Variants in CRPPA observed in about 807,000 individuals in gnomAD.
CRPPA encodes CDP-L-ribitol pyrophosphorylase A.
A neutral mutation model predicts 52.0 loss-of-function variants in CRPPA; 43 were observed. The observed-to-expected ratio is 0.83, with a 90% CI of 0.65 to 1.07. The LOEUF (loss-of-function observed/expected upper bound fraction) is 1.07. CRPPA is among the 50% of genes least tolerant of loss of function. The probability of loss-of-function intolerance (pLI) is 0.00; values close to 1 mark genes in which losing one functional copy is unlikely to be tolerated. For missense variants in CRPPA, 629 were observed against 551.7 expected (o/e 1.14, Z -1.40); for synonymous variants, 250 against 203.5 (o/e 1.23, Z -1.94).
At position 16,350,419 on chromosome 7, in the gene CRPPA, C is replaced by T. The variant is rs116189116; in HGVS notation, c.684+25673G>A. Reference sequence around the variant, plus strand: ...TTAAAAAACAAAACTATTCAAAGCACCTAAAGCTGGAATAATTTCTTAAGG... The same window carrying T: ...TTAAAAAACAAAACTATTCAAAGCATCTAAAGCTGGAATAATTTCTTAAGG... On this transcript the variant is annotated intron_variant, in intron 3 of 9. Transcript: ENST00000407010. Among the ~76,000 whole-genome samples the T allele has an allele frequency of 6.4e-3, 969 of 151,930 alleles. 12 individuals are homozygous for T. The highest frequency in any genetic ancestry group is 0.023 in the African/African-American group (946 of 41,444).
chr7:16,177,691 GA>G (rs1188507642), intron 9 of CRPPA, among the ~76,000 whole-genome samples: 2 of 152,046 alleles, frequency 1.3e-5, no homozygotes, highest in East Asian at 1.9e-4. Flanking sequence ...TTAATTGTAG[GA>G]AAAAATAATT....
chr7:16,123,941 T>C (rs1782525180), intron 9 of CRPPA, among the ~76,000 whole-genome samples: 1 of 152,154 alleles, frequency 6.6e-6, no homozygotes, highest in Non-Finnish European at 1.5e-5. Context: ...GACATCCATA[T>C]TGACATTTAA....
At position 16,101,860 on chromosome 7, in the gene CRPPA, A is replaced by T. The variant is rs148571169; in HGVS notation, c.1252-10061T>A. 2.9e-3 allele frequency among the ~76,000 whole-genome samples: 436 copies of T among 152,234 alleles called. 2 individuals carry two copies. Among genetic ancestry groups the T allele is most frequent in the African/African-American group, 9.8e-3 (409 of 41,542 alleles). ...TGCTCATGGATAGGAAGAACCAATA[A>T]CATGAAAATGGCCATATTGCCCAAC... On this transcript the variant is annotated intron_variant, in intron 9 of 9. Transcript: ENST00000407010.
At chr7:16,398,851 T>C (rs6461250) in intron 2 of CRPPA, among the ~76,000 whole-genome samples, 76,097 of 152,182 alleles carry the variant, frequency 0.5, 20,637 homozygotes, top group African/African-American at 0.71. Context: ...GCGATTTACG[T>C]AACTGGCATG....
At chr7:16,290,758 A>T (rs1006446316) in intron 5 of CRPPA, among the ~76,000 whole-genome samples, 2 of 152,108 alleles carry the variant, frequency 1.3e-5, no homozygotes, top group African/African-American at 4.8e-5. Flanking sequence ...CTAAGACTCC[A>T]AAAGCACGAA....
intron 8 of CRPPA, among the ~76,000 whole-genome samples, chr7:16,242,993 C>T (rs1562580355): frequency 6.6e-6 from 1 of 152,162 alleles, no homozygotes. Flanking sequence ...TCAATATCAC[C>T]ACCAGTCTCT....
At position 16,091,628 on chromosome 7, in the gene CRPPA, G is replaced by T; in HGVS notation, c.*67C>A. On this transcript the variant is annotated 3_prime_UTR_variant, in exon 10 of 10. Transcript: ENST00000407010. ...GAAACATTCTACCACACACAGCAGCGGGGGCACAAAGCACAATTAAGATAC... is the reference window on the plus strand; with the variant it reads ...GAAACATTCTACCACACACAGCAGCTGGGGCACAAAGCACAATTAAGATAC... The T allele has an allele frequency of 2.5e-6, 2 of 804,478 alleles. No individual in the cohort carries two copies. The highest frequency in any genetic ancestry group is 4.1e-6 in the Non-Finnish European group (2 of 486,740). The allele number at this position is 804,478 out of a possible 1,614,324, so 49.8% of individuals were successfully genotyped here. A position where few individuals can be genotyped will look rare whatever the true frequency, so the allele number is the denominator to read the frequency against.
chr7:16,140,262 C>A (rs1010824995), intron 9 of CRPPA, among the ~76,000 whole-genome samples: 8 of 152,116 alleles, frequency 5.3e-5, no homozygotes, highest in Non-Finnish European at 1.2e-4. Context: ...ATTCTTGTGC[C>A]TCAGGCTCCT....
intron 3 of CRPPA, among the ~76,000 whole-genome samples, chr7:16,344,983 G>A (rs919861271): frequency 6.6e-6 from 1 of 152,112 alleles, no homozygotes; most frequent in South Asian, 2.1e-4. Context: ...ATGAAAAAGT[G>A]TTAATCTACA....
At chr7:16,299,107 C>T (rs554193406) in intron 5 of CRPPA, among the ~76,000 whole-genome samples, 4 of 152,148 alleles carry the variant, frequency 2.6e-5, no homozygotes, top group Non-Finnish European at 5.9e-5. Flanking sequence ...TTTCTCTAAA[C>T]AACCCTGATT....
At chr7:16,223,402 T>C (rs1056788395) in intron 8 of CRPPA, among the ~76,000 whole-genome samples, 1 of 152,206 alleles carries the variant, frequency 6.6e-6, no homozygotes, top group African/African-American at 2.4e-5. Flanking sequence ...ATTCTTTTCA[T>C]GAATTAACTT....
chr7:16,284,167 T>C (rs1265510066), intron 5 of CRPPA, among the ~76,000 whole-genome samples: 1 of 152,070 alleles, frequency 6.6e-6, no homozygotes, highest in Non-Finnish European at 1.5e-5. Context: ...TTTCATTTAT[T>C]GATGCCTTCA....
chr7:16,221,220 GCT>G (rs1386253593), intron 8 of CRPPA, among the ~76,000 whole-genome samples: 2 of 152,182 alleles, frequency 1.3e-5, no homozygotes, highest in East Asian at 3.9e-4. Flanking sequence ...AATAAATGGG[GCT>G]GGGAAAACTG....
intron 9 of CRPPA, among the ~76,000 whole-genome samples, chr7:16,113,617 T>C (rs891579718): frequency 6.6e-6 from 1 of 151,948 alleles, no homozygotes; most frequent in Non-Finnish European, 1.5e-5. Flanking sequence ...CCAAAAATAA[T>C]GGTAGCAAGA....
chr7:16,238,978 A>G (rs1328801275), intron 8 of CRPPA, among the ~76,000 whole-genome samples: 2 of 151,992 alleles, frequency 1.3e-5, no homozygotes, highest in Non-Finnish European at 2.9e-5. Context: ...TCTCTACTAA[A>G]AACACAAAAA....
chr7:16,121,075 A>T (rs906311057), intron 9 of CRPPA, among the ~76,000 whole-genome samples: 2 of 152,090 alleles, frequency 1.3e-5, no homozygotes, highest in Admixed American at 1.3e-4. Context: ...CTAGGGATAA[A>T]AGGTAATAAA....
chr7:16,286,093 A>AT lies in CRPPA; in HGVS notation c.836-7868_836-7867insA, dbSNP rs1554309913. ...TATATATATATATAATATTTAAAAA[A>AT]AAAAATATATATATATATATATATG... On this transcript the variant is annotated intron_variant, in intron 5 of 9. Transcript: ENST00000407010. Among the ~76,000 whole-genome samples, 4 of 27,740 alleles carry AT rather than the reference A, an allele frequency of 1.4e-4. 1 individual carries two copies. Among genetic ancestry groups the AT allele is most frequent in the African/African-American group, 3.2e-4 (1 of 3,160 alleles). The allele number at this position is 27,740 out of a possible 152,430, so 18.2% of individuals were successfully genotyped here.
At chr7:16,342,076 C>T (rs1785859421) in intron 3 of CRPPA, among the ~76,000 whole-genome samples, 1 of 152,176 alleles carries the variant, frequency 6.6e-6, no homozygotes, top group Non-Finnish European at 1.5e-5. Context: ...CAGGCACCTA[C>T]ACACTTTATA....
At chr7:16,386,713 A>G (rs1787279030) in intron 2 of CRPPA, among the ~76,000 whole-genome samples, 1 of 152,134 alleles carries the variant, frequency 6.6e-6, no homozygotes, top group South Asian at 2.1e-4. Context: ...AAGTTAATAC[A>G]ACAAACTCTA....
Sources: gnomAD v4.1 joint callset for allele counts (sites outside exome capture counted in the v4.1 genomes callset) on GRCh38, gnomAD v4.1.1 for gene constraint, MANE v1.5 for transcripts, NCBI Gene and HGNC (gene_info 2026-07-23, HGNC 2026-07-21) for gene names.